Variants in C14orf39 observed in about 807,000 individuals in gnomAD.
C14orf39 encodes protein SIX6OS1.
In C14orf39, 66 loss-of-function variants were observed where a neutral mutation model predicts 85.6. The ratio of observed to expected loss-of-function variants is 0.77; its 90% confidence interval spans 0.63 to 0.95. The LOEUF (loss-of-function observed/expected upper bound fraction) is 0.95, where lower values mean the gene tolerates loss of function less well. Among genes scored for constraint, C14orf39 ranks in the 40% least tolerant of loss-of-function variants. C14orf39 has a pLI of 0.00. For missense variants in C14orf39, 735 were observed against 663.9 expected (o/e 1.11, Z -1.18); for synonymous variants, 242 against 214.0 (o/e 1.13, Z -1.14).
At chr14:60,503,497 T>C (rs1022982525) in intron 1 of C14orf39, among the ~76,000 whole-genome samples, 3 of 152,224 alleles carry the variant, frequency 2.0e-5, no homozygotes, top group Admixed American at 1.3e-4. Flanking sequence ...AGGTATATAA[T>C]GGATACAAGT....
intron 7 of C14orf39, among the ~76,000 whole-genome samples, chr14:60,471,058 A>C (rs966277313): frequency 1.3e-5 from 2 of 151,934 alleles, no homozygotes; most frequent in African/African-American, 2.4e-5. Context: ...TCCAGTGATG[A>C]ATGAATAAAT....
At chr14:60,507,793 A>G (rs1187983127) in intron 1 of C14orf39, among the ~76,000 whole-genome samples, 2 of 152,212 alleles carry the variant, frequency 1.3e-5, no homozygotes, top group Admixed American at 6.5e-5. Context: ...GGTCCAGTCC[A>G]GTTCGGCTGT....
chr14:60,439,968 G>A (rs1261750452), intron 17 of C14orf39, among the ~76,000 whole-genome samples: 3 of 152,120 alleles, frequency 2.0e-5, no homozygotes, highest in African/African-American at 4.8e-5. Context: ...CCAGCTACTC[G>A]GGAGGCTGAG....
intron 5 of C14orf39, among the ~76,000 whole-genome samples, chr14:60,472,407 T>C (rs947910029): frequency 2.0e-5 from 3 of 152,118 alleles, no homozygotes; most frequent in African/African-American, 7.2e-5. Context: ...CCTTTTTTTC[T>C]TTTTTATTAT....
At chr14:60,501,762 C>T (rs1405918775) in intron 1 of C14orf39, among the ~76,000 whole-genome samples, 1 of 152,088 alleles carries the variant, frequency 6.6e-6, no homozygotes, top group Admixed American at 6.5e-5. Context: ...TGGAAAGTTT[C>T]GAGAAACCTA....
intron 7 of C14orf39, 45 bp downstream of exon 7, chr14:60,471,372 T>G (rs1337131873): frequency 7.4e-7 from 1 of 1,349,922 alleles, no homozygotes; most frequent in African/African-American, 1.5e-5. Context: ...TACAAAATAA[T>G]GCTTATCTAA....
chr14:60,447,182 G>A (rs1379930969), intron 16 of C14orf39, among the ~76,000 whole-genome samples: 3 of 152,296 alleles, frequency 2.0e-5, no homozygotes, highest in Non-Finnish European at 2.9e-5. Flanking sequence ...TCAATATAGT[G>A]TTGGAAGTTC....
At chr14:60,447,714 CA>C (rs1566657026) in intron 16 of C14orf39, among the ~76,000 whole-genome samples, 2 of 151,800 alleles carry the variant, frequency 1.3e-5, no homozygotes, top group African/African-American at 4.8e-5. Flanking sequence ...ATATGGAACC[CA>C]AAAAAAGCCC....
intron 1 of C14orf39, among the ~76,000 whole-genome samples, chr14:60,514,805 T>C (rs1354234025): frequency 6.6e-6 from 1 of 152,240 alleles, no homozygotes; most frequent in African/African-American, 2.4e-5. Flanking sequence ...AAGCAGCTTT[T>C]CGCTCTATTC....
At position 60,484,491 on chromosome 14, in the gene C14orf39, AATT is replaced by A. The variant is rs1289013744; in HGVS notation, c.106+387_106+389del. Among the ~76,000 whole-genome samples, 3 of 151,884 alleles carry A rather than the reference AATT, an allele frequency of 2.0e-5. No homozygotes were observed. Among genetic ancestry groups the A allele is most frequent in the South Asian group, 2.1e-4 (1 of 4,828 alleles). On this transcript the variant is annotated intron_variant, in intron 3 of 17. Coordinates refer to ENST00000321731, the MANE Select transcript of C14orf39 (RefSeq NM_174978.3). This position sits in a 1 kb window ranked among gnomAD's most constrained non-coding sequence, Gnocchi z 4.2. ...TTTCTCTGATAACATTATTTTTCAG[AATT>A]ATTATTCCTGAAAATGTGGCATCTA...
chr14:60,457,060 T>C lies in C14orf39; in HGVS notation c.1215A>G (p.Glu405=). 6.2e-7 allele frequency: 1 copy of C among 1,603,826 alleles called. No homozygotes were observed. The highest frequency in any genetic ancestry group is 8.5e-7 in the Non-Finnish European group (1 of 1,175,888). The change falls in exon 15 of 18, where the codon GAA becomes GAG. Residue 405 remains glutamate, a synonymous_variant. Transcript: ENST00000321731. The part of the protein sequence containing the change: ...IYTEHFGKSV[E]NDSDEVEERA... ...TCTCTTCTACTTCATCACTATCATTTTCTACTGACTTCCCAAAATGTTCAG... is the reference window on the plus strand; with the variant it reads ...TCTCTTCTACTTCATCACTATCATTCTCTACTGACTTCCCAAAATGTTCAG...
chr14:60,455,875 A>G (rs1891250449), intron 15 of C14orf39, among the ~76,000 whole-genome samples: 3 of 152,118 alleles, frequency 2.0e-5, no homozygotes, highest in Non-Finnish European at 4.4e-5. Flanking sequence ...TGTTAAATTT[A>G]ATAGAAATCT....
At chr14:60,478,493 C>T in intron 4 of C14orf39, 104 bp from the exon 5 acceptor site, 1 of 539,922 alleles carries the variant, frequency 1.9e-6, no homozygotes, top group African/African-American at 2.0e-5. Flanking sequence ...ACGAATCTTT[C>T]TCTTCCTGGA....
In C14orf39 at chr14:60,448,964, C is replaced by G. The variant is rs145314769; in HGVS notation, c.1503+6037G>C. Among the ~76,000 whole-genome samples, 539 of 152,206 alleles carry G rather than the reference C, an allele frequency of 3.5e-3. 4 individuals carry two copies. The highest frequency in any genetic ancestry group is 0.012 in the African/African-American group (497 of 41,512). On this transcript the variant is annotated intron_variant, in intron 16 of 17. Transcript: ENST00000321731. ...GAAAACCAAACACCGCATGTTCTCA[C>G]TCATAGGTGGAAACTGAACAATGAG...
Position 60,483,811 on chromosome 14 carries a change from C to G in C14orf39, c.113G>C (p.Cys38Ser). ...TACTTTGTTTTCCTTAATATCTTCACAGCATTCTACAAAGAGAAAATGTTT... is the reference window on the plus strand; with the variant it reads ...TACTTTGTTTTCCTTAATATCTTCAGAGCATTCTACAAAGAGAAAATGTTT... ...EEMIQRINKC[C>S]EDIKENKVTI... The change falls in exon 4 of 18, where the codon TGT becomes TCT. Residue 38 changes from cysteine (C) to serine (S), a missense_variant. Cys to Ser is a moderately radical substitution (Grantham distance 112). Transcript: ENST00000321731. 2.7e-6 allele frequency: 4 copies of G among 1,489,380 alleles called. No individual in the cohort carries two copies. The highest frequency in any genetic ancestry group is 3.7e-6 in the Non-Finnish European group (4 of 1,082,328). 92.3% of individuals were successfully genotyped at this position (1,489,380 alleles called of 1,614,324 possible).
chr14:60,481,492 A>AT (rs976220095), intron 4 of C14orf39, among the ~76,000 whole-genome samples: 6 of 151,310 alleles, frequency 4.0e-5, no homozygotes, highest in East Asian at 1.9e-4. Context: ...CTCCATCTCT[A>AT]TTTTTTTTTA....
intron 11 of C14orf39, among the ~76,000 whole-genome samples, chr14:60,463,179 T>G (rs1054562096): frequency 6.6e-6 from 1 of 152,088 alleles, no homozygotes; most frequent in Non-Finnish European, 1.5e-5. Context: ...AATTTGCATT[T>G]CCCCATACTC....
chr14:60,509,342 A>G, intron 1 of C14orf39: 2 of 1,466,122 alleles, frequency 1.4e-6, no homozygotes, highest in South Asian at 2.3e-5. Context: ...GCCCGCGGGC[A>G]TCTGCTGCGT....
chr14:60,470,656 G>T (rs1335526685), intron 7 of C14orf39, among the ~76,000 whole-genome samples: 1 of 151,734 alleles, frequency 6.6e-6, no homozygotes, highest in Non-Finnish European at 1.5e-5. Flanking sequence ...GGCAGCAAAT[G>T]AACAACAAAA....
Sources: allele counts gnomAD v4.1 joint callset (sites outside exome capture counted in the v4.1 genomes callset), GRCh38; gene constraint gnomAD v4.1.1; non-coding constraint Gnocchi (gnomAD v3.1); transcripts MANE v1.5; gene names NCBI Gene and HGNC (gene_info 2026-07-23, HGNC 2026-07-21).